Variants in CDH18 observed in about 807,000 individuals in gnomAD.
The protein encoded by CDH18 is cadherin 18.
CDH18 carries 31 observed loss-of-function variants against 67.9 expected under a neutral mutation model. That is an observed-to-expected ratio of 0.46 (90% CI 0.34 to 0.62). The LOEUF (loss-of-function observed/expected upper bound fraction) is 0.62. Ranked by LOEUF, CDH18 falls within the 20% of genes least tolerant of loss-of-function variation. CDH18 has a pLI of 0.01. For synonymous variants in CDH18, 362 were observed against 347.2 expected (o/e 1.04, Z -0.48); for missense variants, 890 against 975.5 (o/e 0.91, Z 1.17).
intron 10 of CDH18, among the ~76,000 whole-genome samples, chr5:19,510,885 C>T (rs1428462694): frequency 6.6e-6 from 1 of 151,442 alleles, no homozygotes; most frequent in Non-Finnish European, 1.5e-5. Flanking sequence ...AATTTCAGCT[C>T]ACTACAACTT....
intron 1 of CDH18, among the ~76,000 whole-genome samples, chr5:20,300,446 A>G (rs1201589172): frequency 6.6e-6 from 1 of 151,748 alleles, no homozygotes; most frequent in Non-Finnish European, 1.5e-5. Context: ...CCAGGATCTC[A>G]TGTCCCACTA....
chr5:19,811,078 A>AAAAGAAAG (rs573517217), intron 3 of CDH18, among the ~76,000 whole-genome samples: 2 of 124,884 alleles, frequency 1.6e-5, no homozygotes, highest in African/African-American at 2.9e-5. Flanking sequence ...GAGAAAGAGA[A>AAAAGAAAG]AAAGAAAGAA....
chr5:20,172,014 C>G (rs1198762268), intron 2 of CDH18, among the ~76,000 whole-genome samples: 1 of 149,724 alleles, frequency 6.7e-6, no homozygotes, highest in African/African-American at 2.5e-5. Context: ...TAAGCTTTGT[C>G]AAAGGTCAGT....
In CDH18 at chr5:19,760,369, C is replaced by A. The variant is rs577071497; in HGVS notation, c.229-13133G>T. On this transcript the variant is annotated intron_variant, in intron 3 of 12. Transcript: ENST00000382275. ...GATGAGTAGGTCTAAAGTGACTAAT[C>A]CACTCCACGATCCCGATTTCCCTAG... Among the ~76,000 whole-genome samples, 78 of 152,252 alleles carry A rather than the reference C, an allele frequency of 5.1e-4. 2 individuals carry two copies. The highest frequency in any genetic ancestry group is 4.8e-3 in the Admixed American group (74 of 15,290).
At chr5:19,474,533 G>A (rs1421822962) in intron 12 of CDH18, among the ~76,000 whole-genome samples, 1 of 151,952 alleles carries the variant, frequency 6.6e-6, no homozygotes, top group Non-Finnish European at 1.5e-5. Context: ...CAAGCTTAAT[G>A]TTCCAATAAT....
chr5:19,547,033 C>T (rs1248937843), intron 8 of CDH18, among the ~76,000 whole-genome samples: 6 of 152,086 alleles, frequency 3.9e-5, no homozygotes. Flanking sequence ...AGTGGGAAAT[C>T]TGTATGTCAC....
chr5:19,939,965 T>A (rs1350222194), intron 2 of CDH18, among the ~76,000 whole-genome samples: 1 of 151,868 alleles, frequency 6.6e-6, no homozygotes. Context: ...TTACTCTAGT[T>A]GTACAAGCAA....
At chr5:19,716,858 T>G (rs1359779945) in intron 5 of CDH18, among the ~76,000 whole-genome samples, 4 of 152,118 alleles carry the variant, frequency 2.6e-5, no homozygotes, top group Non-Finnish European at 5.9e-5. Flanking sequence ...CGCTATATTT[T>G]ATAAATAAAT....
chr5:20,558,847 T>C (rs1758053678), intron 1 of CDH18, among the ~76,000 whole-genome samples: 1 of 152,010 alleles, frequency 6.6e-6, no homozygotes, highest in Admixed American at 6.6e-5. Context: ...TATGAGCTGA[T>C]GCTTTTCCAG....
At chr5:20,325,345 A>T (rs1030917038) in intron 1 of CDH18, among the ~76,000 whole-genome samples, 12 of 152,216 alleles carry the variant, frequency 7.9e-5, no homozygotes, top group Admixed American at 2.6e-4. Flanking sequence ...CTTTCCTAGT[A>T]TATTGTATCC....
At position 20,518,013 on chromosome 5, in the gene CDH18, A is replaced by AT. The variant is rs796214228; in HGVS notation, c.-580+57448dup. Among the ~76,000 whole-genome samples, 99 of 151,216 alleles carry AT rather than the reference A, an allele frequency of 6.5e-4. 2 individuals are homozygous for AT. The highest frequency in any genetic ancestry group is 2.2e-3 in the African/African-American group (92 of 41,226). The stretch of plus-strand genomic sequence containing the variant: ...CTATTACACTCTTCCAGGAACCTTT[A>AT]TTTTTTTTTCCTTTCCCCTATAAGC... On this transcript the variant is annotated intron_variant, in intron 1 of 14. Transcript: ENST00000507958.
chr5:19,597,210 C>T (rs1000041834), intron 6 of CDH18, among the ~76,000 whole-genome samples: 2 of 152,198 alleles, frequency 1.3e-5, no homozygotes, highest in Non-Finnish European at 2.9e-5. Flanking sequence ...AAACCAGCTC[C>T]ACCTCCACTG....
chr5:19,838,576 T>C (rs1383986642), intron 3 of CDH18, among the ~76,000 whole-genome samples, 183 bp downstream of exon 3: 1 of 152,212 alleles, frequency 6.6e-6, no homozygotes, highest in Admixed American at 6.5e-5. Flanking sequence ...TGATGAATAA[T>C]GTTTTCTTTT....
Position 20,459,014 on chromosome 5 carries a change from G to A in CDH18, c.-580+116448C>T, listed in dbSNP as rs567908269. Among the ~76,000 whole-genome samples, 53 of 145,432 alleles carry A rather than the reference G, an allele frequency of 3.6e-4. 1 individual carries two copies. In the South Asian group the frequency reaches 0.012, roughly 32 times the overall value. ...CCTAAAAAAAAGTGTATACATTTGA[G>A]CACATGCCTGAAATGATACACAAAA... On this transcript the variant is annotated intron_variant, in intron 1 of 14. Transcript: ENST00000507958.
At chr5:20,156,203 A>G (rs1751508537) in intron 2 of CDH18, among the ~76,000 whole-genome samples, 1 of 152,126 alleles carries the variant, frequency 6.6e-6, no homozygotes, top group South Asian at 2.1e-4. Flanking sequence ...AAATGGAACT[A>G]TCATTCAAAC....
rs1406137502 is a variant in CDH18, at chr5:20,382,584, G to T, written c.-579-127079C>A. Among the ~76,000 whole-genome samples the T allele has an allele frequency of 2.0e-5, 3 of 152,048 alleles. No individual in the cohort carries two copies. In the East Asian group the frequency reaches 5.8e-4, roughly 29 times the overall value. Reference sequence around the variant, plus strand: ...ATCAATAGGAAGAGTTTCTATAGAAGGAAATGGGTAAGAAAATAAACATCT... The same window carrying T: ...ATCAATAGGAAGAGTTTCTATAGAATGAAATGGGTAAGAAAATAAACATCT... On this transcript the variant is annotated intron_variant, in intron 1 of 14. Transcript: ENST00000507958.
chr5:19,618,211 C>G (rs1299780359), intron 5 of CDH18, among the ~76,000 whole-genome samples: 1 of 145,218 alleles, frequency 6.9e-6, no homozygotes, highest in Non-Finnish European at 1.5e-5. Context: ...ATTTTTCTTT[C>G]TTTTTTTTTT....
At chr5:19,706,572 G>T (rs1481507738) in intron 5 of CDH18, among the ~76,000 whole-genome samples, 1 of 152,106 alleles carries the variant, frequency 6.6e-6, no homozygotes, top group Non-Finnish European at 1.5e-5. Flanking sequence ...TGTATGTGTG[G>T]ACACCTTTTC....
At chr5:19,772,225 A>T (rs1425933121) in intron 3 of CDH18, among the ~76,000 whole-genome samples, 1 of 152,174 alleles carries the variant, frequency 6.6e-6, no homozygotes, top group African/African-American at 2.4e-5. Context: ...AAAAATATCC[A>T]TGTCTTAATC....
Sources: gnomAD v4.1 joint callset for allele counts (sites outside exome capture counted in the v4.1 genomes callset) on GRCh38, gnomAD v4.1.1 for gene constraint, MANE v1.5 for transcripts, NCBI Gene and HGNC (gene_info 2026-07-23, HGNC 2026-07-21) for gene names.